CRYBB1: variants seen among roughly 807,000 people sequenced by gnomAD.
CRYBB1 encodes the protein beta-crystallin B1.
CRYBB1 carries 16 observed loss-of-function variants against 29.5 expected under a neutral mutation model. That is an observed-to-expected ratio of 0.54 (90% CI 0.37 to 0.82). CRYBB1 has a LOEUF of 0.82. Among genes scored for constraint, CRYBB1 ranks in the 40% least tolerant of loss-of-function variants. The probability of loss-of-function intolerance (pLI) is 0.00; values close to 1 mark genes in which losing one functional copy is unlikely to be tolerated. For missense variants in CRYBB1, 300 were observed against 350.5 expected (o/e 0.86, Z 1.15); for synonymous variants, 127 against 136.7 (o/e 0.93, Z 0.49).
intron 5 of CRYBB1, among the ~76,000 whole-genome samples, chr22:26,599,921 G>T (rs529520631): frequency 1.3e-5 from 2 of 152,344 alleles, no homozygotes; most frequent in East Asian, 1.9e-4. Flanking sequence ...TGCTGGGGGG[G>T]ACCAAATGGA....
At chr22:26,614,024 A>G (rs1370973403) in intron 2 of CRYBB1, among the ~76,000 whole-genome samples, 2 of 152,204 alleles carry the variant, frequency 1.3e-5, no homozygotes, top group African/African-American at 4.8e-5. Context: ...CAGGCTTATT[A>G]GGAAGAGGAA....
chr22:26,614,472 G>C (rs1350701806), intron 2 of CRYBB1, among the ~76,000 whole-genome samples: 1 of 152,144 alleles, frequency 6.6e-6, no homozygotes, highest in Non-Finnish European at 1.5e-5. Flanking sequence ...CAGGAGACAG[G>C]GATAAGAACG....
intron 3 of CRYBB1, among the ~76,000 whole-genome samples, 160 bp from the exon 4 acceptor site, chr22:26,608,181 C>A (rs1929045578): frequency 6.6e-6 from 1 of 152,226 alleles, no homozygotes; most frequent in South Asian, 2.1e-4. Context: ...TAGGCTCTGA[C>A]ACTTACAGGC....
At position 26,599,453 on chromosome 22, in the gene CRYBB1, G is replaced by A. The variant is rs749789103; in HGVS notation, c.*37C>T. 2 of 1,571,026 alleles carry A rather than the reference G, an allele frequency of 1.3e-6. No individual in the cohort carries two copies. The highest frequency in any genetic ancestry group is 4.5e-5 in the East Asian group (2 of 44,256). ...AATGGGGGAAATAATTGAACATGAA[G>A]AAGGGTTGGGGCAAGGTAGCAGAGT... is the stretch of plus-strand genomic sequence containing the variant. On this transcript the variant is annotated 3_prime_UTR_variant, in exon 6 of 6. Transcript: ENST00000647684.
At chr22:26,616,018 G>A in intron 2 of CRYBB1, 122 bp downstream of exon 2, 1 of 800,274 alleles carries the variant, frequency 1.2e-6, no homozygotes, top group Admixed American at 1.9e-5. Flanking sequence ...CCAAGAAAAA[G>A]GAGGAGAAAG....
In CRYBB1 at chr22:26,599,308, G is replaced by A. The variant is rs1005189336; in HGVS notation, c.*182C>T. 1.1e-5 allele frequency: 7 copies of A among 609,014 alleles called. No individual in the cohort carries two copies. Among genetic ancestry groups the A allele is most frequent in the African/African-American group, 1.8e-5 (1 of 54,144 alleles). The allele number at this position is 609,014 out of a possible 1,614,324, so 37.7% of individuals were successfully genotyped here. A position where few individuals can be genotyped will look rare whatever the true frequency, so the allele number is the denominator to read the frequency against. ...TTCAGTGTTTGCTGCTTTTATTATC[G>A]TTGTAATTATTAAGAGCGAGGAAGT... On this transcript the variant is annotated 3_prime_UTR_variant, in exon 6 of 6. Transcript: ENST00000647684.
chr22:26,614,446 G>A (rs531381977), intron 2 of CRYBB1, among the ~76,000 whole-genome samples: 2 of 152,286 alleles, frequency 1.3e-5, no homozygotes, highest in African/African-American at 4.8e-5. Flanking sequence ...GAATATCGGG[G>A]CAGGTTCCCC....
intron 1 of CRYBB1, 127 bp downstream of exon 1, chr22:26,617,850 C>T (rs970163791): frequency 6.5e-6 from 1 of 153,178 alleles, no homozygotes; most frequent in Non-Finnish European, 1.5e-5. Context: ...CTCTCCACTT[C>T]CGTCTTTATC....
intron 4 of CRYBB1, among the ~76,000 whole-genome samples, chr22:26,605,292 C>CT (rs1327342059): frequency 6.6e-6 from 1 of 152,190 alleles, no homozygotes; most frequent in Admixed American, 6.6e-5. Flanking sequence ...AGCTGCCTCC[C>CT]TGGGTAGCTT....
At chr22:26,613,572 C>T (rs1349817755) in intron 2 of CRYBB1, among the ~76,000 whole-genome samples, 1 of 152,236 alleles carries the variant, frequency 6.6e-6, no homozygotes, top group Non-Finnish European at 1.5e-5. Flanking sequence ...GGACACTTAT[C>T]ACTTCCCCAA....
Position 26,616,337 on chromosome 22 carries a change from G to T in CRYBB1, c.-18C>A. ...TGAGACATGGTTCCCGCCTGCAAAA[G>T]TCTGTAAAGAAACTCTGGCCTTCAG... On this transcript the variant is annotated splice_region_variant and 5_prime_UTR_variant, in exon 2 of 6. Transcript: ENST00000647684. 1 of 1,610,104 alleles carries T rather than the reference G, an allele frequency of 6.2e-7. No homozygotes were observed. Among genetic ancestry groups the T allele is most frequent in the Non-Finnish European group, 8.5e-7 (1 of 1,178,232 alleles).
At chr22:26,611,931 G>A (rs1166510698) in intron 3 of CRYBB1, 141 bp downstream of exon 3, 3 of 726,526 alleles carry the variant, frequency 4.1e-6, no homozygotes, top group East Asian at 2.5e-5. Flanking sequence ...TCTTCAGTTT[G>A]ATATGAGGAT....
Position 26,602,041 on chromosome 22 carries a change from G to A in CRYBB1, c.433-20C>T, listed in dbSNP as rs948962159. 8.1e-6 allele frequency: 13 copies of A among 1,612,804 alleles called. No individual in the cohort carries two copies. Among genetic ancestry groups the A allele is most frequent in the Non-Finnish European group, 1.0e-5 (12 of 1,179,902 alleles). On this transcript the variant is annotated intron_variant, in intron 4 of 5. Transcript: ENST00000647684. ...GGCATCCTGGGGAAAGAGAGGCCGG[G>A]TCAGGTGTGTGAAGTACAAATGGGA...
intron 2 of CRYBB1, among the ~76,000 whole-genome samples, chr22:26,614,664 A>C (rs1048027883): frequency 6.6e-6 from 1 of 152,212 alleles, no homozygotes; most frequent in Non-Finnish European, 1.5e-5. Context: ...AGAAAAGCCC[A>C]GAATAATCAC....
At chr22:26,612,308 C>T in intron 2 of CRYBB1, 118 bp from the exon 3 acceptor site, 1 of 702,324 alleles carries the variant, frequency 1.4e-6, no homozygotes. Context: ...TGATGAGCCA[C>T]AGTTTGTGAA....
chr22:26,601,904 C>T lies in CRYBB1; in HGVS notation c.550G>A (p.Gly184Ser). The T allele has an allele frequency of 6.2e-7, 1 of 1,612,332 alleles. No individual in the cohort carries two copies. Among genetic ancestry groups the T allele is most frequent in the Non-Finnish European group, 8.5e-7 (1 of 1,179,850 alleles). ...GTTCCACTGGAGACCTTCACGCTGC[C>T]CACGCGGTCACTGAAGCCGTAGACC... is the stretch of plus-strand genomic sequence containing the variant. ...LWVYGFSDRV[G>S]SVKVSSGTWV... is the part of the protein sequence containing the mutation. Residue 184 changes from glycine (G) to serine (S), a missense_variant, in exon 5 of 6, where the codon GGC (glycine) becomes AGC (serine). Physicochemically the swap from Gly to Ser is moderately conservative, Grantham distance 56. Transcript: ENST00000647684.
intron 4 of CRYBB1, among the ~76,000 whole-genome samples, chr22:26,603,125 C>CAAAAAA (rs779127242): frequency 1.4e-4 from 10 of 69,320 alleles, no homozygotes; most frequent in Non-Finnish European, 1.9e-4. Context: ...GACTCCGTCT[C>CAAAAAA]AAAAAAAAAA....
At chr22:26,605,628 G>C (rs1051954552) in intron 4 of CRYBB1, among the ~76,000 whole-genome samples, 1 of 137,018 alleles carries the variant, frequency 7.3e-6, no homozygotes, top group South Asian at 2.5e-4. Flanking sequence ...GAGCCAGAAC[G>C]TGCCACTACA....
In CRYBB1 at chr22:26,612,178, C is replaced by G. The variant is rs1400757152; in HGVS notation, c.193G>C (p.Glu65Gln). ...PPGNYRLVVF[E>Q]LENFQGRRAE... ...CGACGGCCCTGGAAGTTTTCCAGTTCGAAGACCACCAGCTGCAGGAGAGAA... is the reference window on the plus strand; with the variant it reads ...CGACGGCCCTGGAAGTTTTCCAGTTGGAAGACCACCAGCTGCAGGAGAGAA... The change falls in exon 3 of 6, where the codon GAA becomes CAA. Residue 65 changes from glutamate (E) to glutamine (Q), a missense_variant. Physicochemically the swap from Glu to Gln is conservative, Grantham distance 29. Coordinates refer to ENST00000647684, the MANE Select transcript of CRYBB1 (RefSeq NM_001887.4). 3.7e-6 allele frequency: 6 copies of G among 1,613,024 alleles called. No individual in the cohort carries two copies. In the African/African-American group the frequency reaches 5.4e-5, roughly 14 times the overall value.
Sources: allele counts gnomAD v4.1 joint callset (sites outside exome capture counted in the v4.1 genomes callset), GRCh38; gene constraint gnomAD v4.1.1; transcripts MANE v1.5; gene names NCBI Gene and HGNC (gene_info 2026-07-23, HGNC 2026-07-21).